Variants in TENM2 observed in about 807,000 individuals in gnomAD.
TENM2 encodes the protein teneurin-2.
A neutral mutation model predicts 245.2 loss-of-function variants in TENM2; 52 were observed. That is an observed-to-expected ratio of 0.21 (90% CI 0.17 to 0.27). TENM2 has a LOEUF of 0.27. Among genes scored for constraint, TENM2 ranks in the 10% least tolerant of loss-of-function variants. TENM2 has a pLI of 1.00. For missense variants in TENM2, 3,046 were observed against 3,666.8 expected (o/e 0.83, Z 4.37); for synonymous variants, 1,363 against 1,438.9 (o/e 0.95, Z 1.19).
At chr5:167,671,158 C>T (rs1273844086) in intron 2 of TENM2, among the ~76,000 whole-genome samples, 1 of 152,104 alleles carries the variant, frequency 6.6e-6, no homozygotes, top group East Asian at 1.9e-4. Flanking sequence ...GTCTGACACA[C>T]ACCTACCCCA....
At chr5:168,017,811 C>T (rs1249363581) in intron 5 of TENM2, among the ~76,000 whole-genome samples, 6 of 152,134 alleles carry the variant, frequency 3.9e-5, no homozygotes, top group Non-Finnish European at 8.8e-5. Context: ...GTCAGGAGTA[C>T]AAAATAGAGA....
intron 2 of TENM2, among the ~76,000 whole-genome samples, chr5:167,759,100 C>A (rs542684292): frequency 1.2e-3 from 182 of 149,162 alleles, no homozygotes; most frequent in African/African-American, 4.2e-3. Context: ...CTGACACATA[C>A]TAGATTACTT....
At chr5:167,529,759 A>C (rs931063290) in intron 2 of TENM2, among the ~76,000 whole-genome samples, 1 of 152,138 alleles carries the variant, frequency 6.6e-6, no homozygotes, top group African/African-American at 2.4e-5. Context: ...TATTCCCTTA[A>C]CTCTCTTAAG....
chr5:167,580,040 T>C (rs944566162), intron 2 of TENM2, among the ~76,000 whole-genome samples: 8 of 152,238 alleles, frequency 5.3e-5, no homozygotes, highest in African/African-American at 1.2e-4. Context: ...TGAAACTGAA[T>C]GGATTACAAA....
At chr5:167,801,109 A>ATATATAT (rs1554120916) in intron 2 of TENM2, among the ~76,000 whole-genome samples, 4 of 66,556 alleles carry the variant, frequency 6.0e-5, no homozygotes, top group East Asian at 5.2e-4. Context: ...AAAAAAAAAA[A>ATATATAT]ATATATATAT....
intron 2 of TENM2, among the ~76,000 whole-genome samples, chr5:167,743,754 G>A (rs1761368162): frequency 6.6e-6 from 1 of 152,150 alleles, no homozygotes; most frequent in Non-Finnish European, 1.5e-5. Context: ...AGTTCGATTG[G>A]AGAGAAATAG....
chr5:167,663,964 T>G (rs1755408758), intron 2 of TENM2, among the ~76,000 whole-genome samples: 1 of 152,196 alleles, frequency 6.6e-6, no homozygotes, highest in South Asian at 2.1e-4. Context: ...AGGCTGAATC[T>G]CATAATTTCA....
intron 4 of TENM2, among the ~76,000 whole-genome samples, chr5:167,990,028 C>T (rs1020531230): frequency 5.9e-5 from 9 of 152,198 alleles, no homozygotes; most frequent in African/African-American, 1.9e-4. Flanking sequence ...GATGCGAGAA[C>T]TGGAGTTCAA....
intron 24 of TENM2, among the ~76,000 whole-genome samples, chr5:168,226,538 G>A (rs745642736): frequency 3.3e-5 from 5 of 151,452 alleles, no homozygotes; most frequent in South Asian, 4.2e-4. Context: ...ATTTCCACCC[G>A]CCCCCCACAT....
intron 5 of TENM2, among the ~76,000 whole-genome samples, chr5:168,034,013 C>T (rs750962162): frequency 5.0e-4 from 69 of 137,086 alleles, no homozygotes; most frequent in Admixed American, 1.4e-3. Flanking sequence ...AGCAACAGAG[C>T]GAGACTCCGT....
In TENM2 at chr5:167,954,530, A is replaced by G. The variant is rs542362580; in HGVS notation, c.947+1708A>G. 3.9e-5 allele frequency among the ~76,000 whole-genome samples: 6 copies of G among 152,294 alleles called. No homozygotes were observed. The South Asian group carries it at 1.2e-3, about 32-fold the overall frequency. On this transcript the variant is annotated intron_variant, in intron 4 of 28. Transcript: ENST00000518659. Reference sequence around the variant, plus strand: ...TGTGCAGAACGTGCAGGTTCGTTACATAGGTATAAACATGCCATGGTGGTT... The same window carrying G: ...TGTGCAGAACGTGCAGGTTCGTTACGTAGGTATAAACATGCCATGGTGGTT...
At chr5:167,023,192 A>G in the TENM2 span, among the ~76,000 whole-genome samples, 2 of 152,244 alleles carry the variant, frequency 1.3e-5, no homozygotes, top group African/African-American at 2.4e-5. Flanking sequence ...TCCAAGGACA[A>G]TAACAGGAAT....
rs17068874 is a variant in TENM2, at chr5:167,636,329, C to G, written c.503-239657C>G. On this transcript the variant is annotated intron_variant, in intron 2 of 28. Coordinates refer to ENST00000518659, the Ensembl canonical transcript of TENM2. ...GCATAATAATCACCTATACAATTAG[C>G]TAAATGATTCTCTTGAGTTCAAGAA... 0.012 allele frequency among the ~76,000 whole-genome samples: 1,759 copies of G among 152,280 alleles called. 44 individuals are homozygous for G. The East Asian group carries it at 0.12, about 10-fold the overall frequency.
intron 1 of TENM2, among the ~76,000 whole-genome samples, chr5:167,364,271 T>C (rs1759905894): frequency 6.6e-6 from 1 of 152,122 alleles, no homozygotes; most frequent in Non-Finnish European, 1.5e-5. Context: ...ACAACATACG[T>C]ATTGTAGTCC....
chr5:167,814,071 A>G (rs1766851796), intron 2 of TENM2, among the ~76,000 whole-genome samples: 1 of 152,126 alleles, frequency 6.6e-6, no homozygotes, highest in South Asian at 2.1e-4. Flanking sequence ...GGCTAGTTCA[A>G]TGAAAGCTCT....
At chr5:167,608,000 G>A (rs1323991063) in intron 2 of TENM2, among the ~76,000 whole-genome samples, 1 of 151,944 alleles carries the variant, frequency 6.6e-6, no homozygotes, top group African/African-American at 2.4e-5. Flanking sequence ...AACGTATTGA[G>A]CCTAGTGTGT....
the TENM2 span, among the ~76,000 whole-genome samples, chr5:166,991,041 A>G: frequency 6.6e-6 from 1 of 152,120 alleles, no homozygotes; most frequent in Non-Finnish European, 1.5e-5. Context: ...AGAGAGAATG[A>G]AAGATAAATA....
At chr5:167,022,869 T>G in the TENM2 span, among the ~76,000 whole-genome samples, 1 of 152,190 alleles carries the variant, frequency 6.6e-6, no homozygotes, top group Admixed American at 6.5e-5. Flanking sequence ...ACATAGGAAT[T>G]TGTAATATTA....
intron 2 of TENM2, among the ~76,000 whole-genome samples, chr5:167,758,792 C>T (rs755298445): frequency 2.5e-4 from 38 of 152,078 alleles, no homozygotes; most frequent in Non-Finnish European, 4.9e-4. Flanking sequence ...TTGACCACAA[C>T]TGTTTAAATA....
Sources: allele counts gnomAD v4.1 joint callset (sites outside exome capture counted in the v4.1 genomes callset), GRCh38; gene constraint gnomAD v4.1.1; transcripts MANE v1.5; gene names NCBI Gene and HGNC (gene_info 2026-07-23, HGNC 2026-07-21).